The following DCHS2 variants were observed in gnomAD, a reference collection of about 807,000 sequenced individuals.
DCHS2 encodes the protein protocadherin-23.
Under a neutral mutation model 182.4 loss-of-function variants are expected in DCHS2, and 142 were observed. That is an observed-to-expected ratio of 0.78 (90% CI 0.68 to 0.89). The LOEUF (loss-of-function observed/expected upper bound fraction) is 0.89. DCHS2 is among the 40% of genes least tolerant of loss of function. The pLI is 0.00. For missense variants in DCHS2, 4,319 were observed against 4,198.6 expected (o/e 1.03, Z -0.79); for synonymous variants, 1,740 against 1,663.3 (o/e 1.05, Z -1.12).
At chr4:154,460,564 G>T (rs1483123954) in intron 1 of DCHS2, among the ~76,000 whole-genome samples, 1 of 152,294 alleles carries the variant, frequency 6.6e-6, no homozygotes, top group East Asian at 1.9e-4. Context: ...TTATTACTTA[G>T]TATGGGTCAG....
chr4:154,328,257 C>T (rs553610966), intron 6 of DCHS2, 65 bp from the exon 7 acceptor site: 11 of 1,151,772 alleles, frequency 9.6e-6, no homozygotes, highest in South Asian at 8.6e-5. Context: ...ATCAGTGGAC[C>T]TTTAAATGAA....
At chr4:154,351,966 A>G (rs1729638698) in intron 3 of DCHS2, among the ~76,000 whole-genome samples, 1 of 151,988 alleles carries the variant, frequency 6.6e-6, no homozygotes, top group Admixed American at 6.6e-5. Context: ...TGAATTATGT[A>G]TATTAGGCAA....
At chr4:154,309,551 T>C (rs758352255) in intron 10 of DCHS2, among the ~76,000 whole-genome samples, 10 of 152,204 alleles carry the variant, frequency 6.6e-5, no homozygotes, top group Non-Finnish European at 1.3e-4. Flanking sequence ...TTTTGGTTAC[T>C]TCAGTATTCC....
intron 1 of DCHS2, among the ~76,000 whole-genome samples, chr4:154,399,389 A>G (rs1015459413): frequency 3.3e-5 from 5 of 152,226 alleles, no homozygotes; most frequent in African/African-American, 1.2e-4. Flanking sequence ...ATGGAAATAC[A>G]TATTTTAAGT....
At chr4:154,470,126 G>A (rs1397043359) in intron 1 of DCHS2, among the ~76,000 whole-genome samples, 2 of 152,096 alleles carry the variant, frequency 1.3e-5, no homozygotes, top group Admixed American at 1.3e-4. Context: ...AATGAAAGAA[G>A]CAAGAAAAGG....
At position 154,489,852 on chromosome 4, in the gene DCHS2, G is replaced by A. The variant is rs998439322; in HGVS notation, c.1504C>T (p.Arg502Cys). ...ACCAGTAGTAACTCATACAGATCGC[G>A]GCTCTCTCTGTCCAGGGGCCCCTCC... The part of the protein sequence containing the change: ...CVEGPLDRES[R>C]DLYELLLVAT... The change falls in exon 1 of 20, where the codon CGC becomes TGC. Residue 502 changes from arginine to cysteine, a missense_variant. Arg to Cys is a radical substitution (Grantham distance 180). Transcript: ENST00000357232. The A allele has an allele frequency of 7.7e-6, 12 of 1,548,468 alleles. No homozygotes were observed. The highest frequency in any genetic ancestry group is 2.5e-5 in the East Asian group (1 of 40,798).
intron 1 of DCHS2, among the ~76,000 whole-genome samples, chr4:154,385,947 A>G (rs558761327): frequency 1.3e-5 from 2 of 151,786 alleles, no homozygotes; most frequent in African/African-American, 2.4e-5. Context: ...TGGGCTCCAG[A>G]CTCTGCATCC....
intron 1 of DCHS2, among the ~76,000 whole-genome samples, chr4:154,413,130 C>T (rs1400241750): frequency 6.6e-6 from 1 of 152,166 alleles, no homozygotes; most frequent in Non-Finnish European, 1.5e-5. Context: ...CCACTGGAGC[C>T]AATTTATTTC....
intron 3 of DCHS2, among the ~76,000 whole-genome samples, chr4:154,336,260 G>A (rs748982825): frequency 1.3e-5 from 2 of 152,032 alleles, no homozygotes; most frequent in Non-Finnish European, 2.9e-5. Flanking sequence ...GAAGAGATTC[G>A]GTAATACTGA....
At chr4:154,284,717 G>C (rs559595755) in intron 13 of DCHS2, 36 of 152,400 alleles carry the variant, frequency 2.4e-4, no homozygotes, top group African/African-American at 7.9e-4. Context: ...CTGGTGATAG[G>C]GGAATCTCCT....
chr4:154,389,598 A>G (rs541395335), intron 1 of DCHS2, among the ~76,000 whole-genome samples: 24 of 150,386 alleles, frequency 1.6e-4, no homozygotes, highest in Non-Finnish European at 2.8e-4. Context: ...TGAAATTTTT[A>G]TATCATGACT....
In DCHS2 at chr4:154,298,358, A is replaced by C; in HGVS notation, c.5956T>G (p.Ser1986Ala). The part of the protein sequence containing the change: ...ASGAFTIDPM[S>A]GTLKTSNTLD... ...GTGTTGCTGGTTTTCAATGTGCCTG[A>C]CATAGGATCAATGGTGAATGCACCA... The change falls in exon 13 of 20, where the codon TCA becomes GCA. Residue 1986 changes from serine to alanine, a missense_variant. Coordinates refer to ENST00000357232, the MANE Select transcript of DCHS2 (RefSeq NM_001358235.2). 4.3e-6 allele frequency: 7 copies of C among 1,614,180 alleles called. No individual in the cohort carries two copies. Among genetic ancestry groups the C allele is most frequent in the Non-Finnish European group, 5.9e-6 (7 of 1,180,018 alleles).
Position 154,236,427 on chromosome 4 carries a change from G to A in DCHS2, c.8225C>T (p.Ala2742Val), listed in dbSNP as rs777791628. The change falls in exon 20 of 20, where the codon GCT becomes GTT. Residue 2742 changes from alanine (A) to valine (V), a missense_variant. Coordinates refer to ENST00000357232, the MANE Select transcript of DCHS2 (RefSeq NM_001358235.2). Reference sequence around the variant, plus strand: ...AAAATGTTTCTTTTCTGCATCTGAAGCTTGGACAGTTAAGGTGAATTTTGT... The same window carrying A: ...AAAATGTTTCTTTTCTGCATCTGAAACTTGGACAGTTAAGGTGAATTTTGT... Reference protein sequence around the residue: ...KMTKFTLTVQASDAEKKHFSF... With the variant: ...KMTKFTLTVQVSDAEKKHFSF... 1.2e-6 allele frequency: 2 copies of A among 1,614,056 alleles called. No individual in the cohort carries two copies. The highest frequency in any genetic ancestry group is 1.7e-6 in the Non-Finnish European group (2 of 1,179,966).
chr4:154,443,483 T>A (rs1036336977), intron 1 of DCHS2, among the ~76,000 whole-genome samples: 8 of 152,192 alleles, frequency 5.3e-5, no homozygotes, highest in Non-Finnish European at 1.2e-4. Context: ...TTTCTCTTAT[T>A]TCCCTGAGAA....
chr4:154,487,514 C>A (rs1481872414), intron 1 of DCHS2, among the ~76,000 whole-genome samples: 2 of 152,136 alleles, frequency 1.3e-5, no homozygotes, highest in African/African-American at 4.8e-5. Flanking sequence ...TCATATCAAG[C>A]CACTTTTTAA....
chr4:154,364,104 T>C (rs910222373), intron 3 of DCHS2, among the ~76,000 whole-genome samples: 2 of 152,202 alleles, frequency 1.3e-5, no homozygotes, highest in Admixed American at 1.3e-4. Context: ...GCTATTTCCA[T>C]ATAAATTTGG....
At chr4:154,430,532 C>T (rs533943329) in intron 1 of DCHS2, among the ~76,000 whole-genome samples, 2 of 152,282 alleles carry the variant, frequency 1.3e-5, no homozygotes, top group African/African-American at 4.8e-5. Context: ...AATAATTCCC[C>T]TGGATGAAGA....
At chr4:154,340,898 G>A (rs1489587674) in intron 3 of DCHS2, among the ~76,000 whole-genome samples, 1 of 152,170 alleles carries the variant, frequency 6.6e-6, no homozygotes, top group East Asian at 1.9e-4. Context: ...AGGTGAGCAG[G>A]AGATAACGAA....
chr4:154,388,960 G>A (rs1731546726), intron 1 of DCHS2, among the ~76,000 whole-genome samples: 1 of 152,180 alleles, frequency 6.6e-6, no homozygotes, highest in Admixed American at 6.5e-5. Context: ...CTACAGCACG[G>A]ATGGGGAGGA....
Sources: allele counts gnomAD v4.1 joint callset (sites outside exome capture counted in the v4.1 genomes callset), GRCh38; gene constraint gnomAD v4.1.1; transcripts MANE v1.5; gene names NCBI Gene and HGNC (gene_info 2026-07-23, HGNC 2026-07-21).